The following SESTD1 variants were observed in gnomAD, a reference collection of about 807,000 sequenced individuals.
The protein encoded by SESTD1 is SEC14 domain and spectrin repeat-containing protein 1.
In SESTD1, 43 loss-of-function variants were observed where a neutral mutation model predicts 101.7. That is an observed-to-expected ratio of 0.42 (90% CI 0.33 to 0.55). SESTD1 has a LOEUF of 0.55. Ranked by LOEUF, SESTD1 falls within the 20% of genes least tolerant of loss-of-function variation. The probability of loss-of-function intolerance (pLI) is 0.07; values close to 1 mark genes in which losing one functional copy is unlikely to be tolerated. For missense variants in SESTD1, 647 were observed against 815.1 expected (o/e 0.79, Z 2.51); for synonymous variants, 283 against 286.8 (o/e 0.99, Z 0.13).
intron 15 of SESTD1, among the ~76,000 whole-genome samples, chr2:179,115,835 C>T (rs2044619315): frequency 6.6e-6 from 1 of 152,160 alleles, no homozygotes; most frequent in African/African-American, 2.4e-5. Context: ...TCCCCCATCG[C>T]AGTCTGCTTA....
intron 9 of SESTD1, among the ~76,000 whole-genome samples, chr2:179,134,335 TTATTA>T (rs1437135217): frequency 2.6e-5 from 4 of 152,220 alleles, no homozygotes; most frequent in Non-Finnish European, 5.9e-5. Context: ...TTGGCTATTG[TTATTA>T]TAACATAATT....
chr2:179,258,585 C>T (rs1036915479), intron 1 of SESTD1, among the ~76,000 whole-genome samples: 7 of 152,300 alleles, frequency 4.6e-5, no homozygotes, highest in African/African-American at 7.2e-5. Flanking sequence ...TAAATTATAA[C>T]GCAGATTACT....
chr2:179,128,606 G>A (rs1559103112), intron 10 of SESTD1, among the ~76,000 whole-genome samples: 1 of 152,052 alleles, frequency 6.6e-6, no homozygotes, highest in East Asian at 1.9e-4. Flanking sequence ...GCGCATGCCT[G>A]TAATCCCAGC....
At chr2:179,160,084 T>C (rs2045706474) in intron 5 of SESTD1, among the ~76,000 whole-genome samples, 1 of 152,162 alleles carries the variant, frequency 6.6e-6, no homozygotes, top group Admixed American at 6.6e-5. Flanking sequence ...CTTGAACTCC[T>C]GACTTCAGGT....
At chr2:179,212,398 C>T (rs918847527) in intron 1 of SESTD1, among the ~76,000 whole-genome samples, 1 of 136,350 alleles carries the variant, frequency 7.3e-6, no homozygotes, top group African/African-American at 2.9e-5. Context: ...TCACTGCTAG[C>T]GCAGCAATCT....
chr2:179,148,139 AC>A (rs1488835915), intron 7 of SESTD1, among the ~76,000 whole-genome samples: 1 of 152,234 alleles, frequency 6.6e-6, no homozygotes, highest in African/African-American at 2.4e-5. Flanking sequence ...TTGTGTTAAA[AC>A]TATGATCTTA....
chr2:179,136,364 C>G (rs2045144778), intron 9 of SESTD1, among the ~76,000 whole-genome samples: 1 of 152,194 alleles, frequency 6.6e-6, no homozygotes, highest in Admixed American at 6.5e-5. Context: ...TATTTCACAT[C>G]TGCATTTTAC....
chr2:179,172,492 ATC>A (rs1210621842), intron 4 of SESTD1, among the ~76,000 whole-genome samples: 1 of 152,226 alleles, frequency 6.6e-6, no homozygotes, highest in African/African-American at 2.4e-5. Flanking sequence ...GTTTTACTGA[ATC>A]TCTGTACTAG....
intron 1 of SESTD1, among the ~76,000 whole-genome samples, chr2:179,245,785 A>G (rs2047221128): frequency 6.6e-6 from 1 of 152,166 alleles, no homozygotes. Flanking sequence ...TGGCAGACGT[A>G]AGCCCTAACA....
intron 1 of SESTD1, among the ~76,000 whole-genome samples, chr2:179,249,377 A>T (rs2047280936): frequency 6.6e-6 from 1 of 152,126 alleles, no homozygotes; most frequent in Non-Finnish European, 1.5e-5. Flanking sequence ...CTAGCAACGA[A>T]CATATGAACA....
chr2:179,229,553 A>C (rs962370698), intron 1 of SESTD1, among the ~76,000 whole-genome samples: 2 of 151,872 alleles, frequency 1.3e-5, no homozygotes, highest in Non-Finnish European at 2.9e-5. Context: ...ATGTTTTTAG[A>C]TATATATCTA....
intron 1 of SESTD1, among the ~76,000 whole-genome samples, chr2:179,244,703 G>A (rs1008077659): frequency 6.6e-6 from 1 of 152,116 alleles, no homozygotes; most frequent in African/African-American, 2.4e-5. Context: ...TGGTAAAAGA[G>A]GAAACCACAG....
intron 12 of SESTD1, among the ~76,000 whole-genome samples, chr2:179,122,398 TTG>T (rs1358027718): frequency 6.6e-6 from 1 of 152,194 alleles, no homozygotes; most frequent in African/African-American, 2.4e-5. Flanking sequence ...ATGTTGAACA[TTG>T]TGACTAAAGA....
chr2:179,239,285 T>C (rs2047114739), intron 1 of SESTD1, among the ~76,000 whole-genome samples: 1 of 152,228 alleles, frequency 6.6e-6, no homozygotes, highest in African/African-American at 2.4e-5. Flanking sequence ...TATTTCATAT[T>C]GTCTACAGAA....
intron 5 of SESTD1, among the ~76,000 whole-genome samples, chr2:179,159,695 A>G (rs1191046519): frequency 6.6e-6 from 1 of 152,192 alleles, no homozygotes; most frequent in Non-Finnish European, 1.5e-5. Flanking sequence ...GGCTTCCTAT[A>G]TTCCTTTCTG....
At chr2:179,149,124 T>C (rs1379891532) in intron 7 of SESTD1, among the ~76,000 whole-genome samples, 173 bp downstream of exon 7, 2 of 105,636 alleles carry the variant, frequency 1.9e-5, no homozygotes, top group South Asian at 6.0e-4. Context: ...TTCAAACCAA[T>C]ACATTTTACA....
chr2:179,150,635 C>T (rs1233965239), intron 6 of SESTD1, among the ~76,000 whole-genome samples: 1 of 151,996 alleles, frequency 6.6e-6, no homozygotes, highest in Admixed American at 6.6e-5. Flanking sequence ...GCCTGACCAA[C>T]ATGGTGAAAC....
intron 1 of SESTD1, among the ~76,000 whole-genome samples, chr2:179,236,732 A>G (rs2047073551): frequency 6.7e-6 from 1 of 149,672 alleles, no homozygotes; most frequent in Non-Finnish European, 1.5e-5. Context: ...CTCATGTTTG[A>G]AAAAAAATCT....
chr2:179,176,925 C>T (rs1038434895), intron 3 of SESTD1, among the ~76,000 whole-genome samples: 1 of 152,174 alleles, frequency 6.6e-6, no homozygotes, highest in African/African-American at 2.4e-5. Flanking sequence ...TATTTCTTGT[C>T]TCACCTACCT....
Sources: allele counts gnomAD v4.1 joint callset (sites outside exome capture counted in the v4.1 genomes callset), GRCh38; gene constraint gnomAD v4.1.1; transcripts MANE v1.5; gene names NCBI Gene and HGNC (gene_info 2026-07-23, HGNC 2026-07-21).